The following BCAS1 variants were observed in gnomAD, a reference collection of about 807,000 sequenced individuals.
The protein encoded by BCAS1 is brain enriched myelin associated protein 1.
In BCAS1, 46 loss-of-function variants were observed where a neutral mutation model predicts 65.4. That is an observed-to-expected ratio of 0.70 (90% CI 0.55 to 0.90). The LOEUF (loss-of-function observed/expected upper bound fraction) is 0.90, where lower values mean the gene tolerates loss of function less well. Ranked by LOEUF, BCAS1 falls within the 40% of genes least tolerant of loss-of-function variation. The probability of loss-of-function intolerance (pLI) is 0.00; values close to 1 mark genes in which losing one functional copy is unlikely to be tolerated. For synonymous variants in BCAS1, 298 were observed against 293.5 expected, an observed-to-expected ratio of 1.02 and a Z score of -0.16; for missense variants, 793 against 771.2, an observed-to-expected ratio of 1.03 and a Z score of -0.33.
chr20:54,016,873 C>A (rs569896268), intron 4 of BCAS1, among the ~76,000 whole-genome samples: 1 of 152,214 alleles, frequency 6.6e-6, no homozygotes, highest in South Asian at 2.1e-4. Flanking sequence ...TTGAACCAAG[C>A]CGGGTTGGAC....
At chr20:54,058,624 C>T (rs768347967) in intron 2 of BCAS1, 23 bp downstream of exon 2, 9 of 1,518,948 alleles carry the variant, frequency 5.9e-6, no homozygotes, top group Non-Finnish European at 7.9e-6. Context: ...CTGCTGATGC[C>T]CCTGTAATGG....
At chr20:54,048,875 G>A (rs1378449430) in intron 3 of BCAS1, among the ~76,000 whole-genome samples, 2 of 152,122 alleles carry the variant, frequency 1.3e-5, no homozygotes, top group African/African-American at 4.8e-5. Flanking sequence ...CAGGCCTTGT[G>A]CTGAGCTCTG....
At chr20:54,029,225 G>C in intron 3 of BCAS1, 1 of 985,388 alleles carries the variant, frequency 1.0e-6, no homozygotes, top group Non-Finnish European at 1.2e-6. Flanking sequence ...GGTGTGGAAT[G>C]AGTGATATTC....
At chr20:53,987,263 T>C (rs767243520) in intron 7 of BCAS1, among the ~76,000 whole-genome samples, 4 of 152,254 alleles carry the variant, frequency 2.6e-5, no homozygotes, top group Non-Finnish European at 4.4e-5. Context: ...AATTTTGTGA[T>C]AGTTGATACT....
intron 4 of BCAS1, among the ~76,000 whole-genome samples, chr20:54,005,180 G>GTTGTCTTTTTATTA (rs761106845): frequency 3.7e-5 from 4 of 108,178 alleles, no homozygotes; most frequent in Non-Finnish European, 2.3e-5. Flanking sequence ...GTGAGGCTAA[G>GTTGTCTTTTTATTA]CACAGTGGCT....
intron 8 of BCAS1, among the ~76,000 whole-genome samples, chr20:53,978,243 G>A (rs1011088170): frequency 7.3e-5 from 11 of 151,724 alleles, no homozygotes; most frequent in African/African-American, 2.4e-4. Context: ...GTCAACTATC[G>A]CAAGAACAAA....
chr20:54,048,651 T>G (rs1600994401), intron 3 of BCAS1, among the ~76,000 whole-genome samples: 3 of 152,346 alleles, frequency 2.0e-5, no homozygotes, highest in Admixed American at 2.0e-4. Context: ...TTGATGAGGC[T>G]GTCAGACTGC....
rs530364181 is a variant in BCAS1, at chr20:54,017,346, T to C, written c.723+11046A>G. ...CTTTGGGGATAGTCCTAAGGACACA[T>C]GAGTTGGCACACTCTTAAGTATAGT... On this transcript the variant is annotated intron_variant, in intron 4 of 12. Transcript: ENST00000688948. Among the ~76,000 whole-genome samples, 50 of 152,052 alleles carry C rather than the reference T, an allele frequency of 3.3e-4. 1 individual carries two copies. The South Asian group carries it at 0.01, about 31-fold the overall frequency.
intron 7 of BCAS1, 79 bp from the exon 8 acceptor site, chr20:53,985,578 A>C: frequency 6.9e-6 from 9 of 1,311,954 alleles, no homozygotes; most frequent in Non-Finnish European, 9.8e-6. Flanking sequence ...CTTTTTAATA[A>C]ACATGGGCTG....
intron 11 of BCAS1, among the ~76,000 whole-genome samples, chr20:53,954,148 T>C (rs1314324095): frequency 6.6e-6 from 1 of 152,172 alleles, no homozygotes; most frequent in Non-Finnish European, 1.5e-5. Context: ...CTCAGAGCTT[T>C]GCTGAAATGA....
At chr20:54,017,870 G>A (rs1159728992) in intron 4 of BCAS1, among the ~76,000 whole-genome samples, 1 of 151,838 alleles carries the variant, frequency 6.6e-6, no homozygotes, top group Admixed American at 6.6e-5. Flanking sequence ...TTTACTAAAG[G>A]AAAAATACCC....
chr20:54,022,864 C>T (rs529256572), intron 4 of BCAS1, among the ~76,000 whole-genome samples: 29 of 152,348 alleles, frequency 1.9e-4, no homozygotes, highest in African/African-American at 6.7e-4. Flanking sequence ...GCTCCTAACA[C>T]TTCCACATCA....
chr20:54,021,132 G>A (rs2091547451), intron 4 of BCAS1, among the ~76,000 whole-genome samples: 1 of 152,112 alleles, frequency 6.6e-6, no homozygotes, highest in Non-Finnish European at 1.5e-5. Flanking sequence ...TGAAGAAACT[G>A]AAAATGCTGG....
At chr20:53,979,032 G>A (rs569618255) in intron 8 of BCAS1, among the ~76,000 whole-genome samples, 87 of 152,088 alleles carry the variant, frequency 5.7e-4, no homozygotes, top group African/African-American at 1.7e-3. Context: ...GTGACTCACT[G>A]AAGCCTGGTG....
At chr20:53,975,775 G>C (rs533008125) in intron 8 of BCAS1, among the ~76,000 whole-genome samples, 11 of 152,192 alleles carry the variant, frequency 7.2e-5, no homozygotes, top group Middle Eastern at 3.4e-3. Flanking sequence ...TGAAAAGAGA[G>C]AAATGCAATT....
At chr20:53,985,580 C>T (rs1364741676) in intron 7 of BCAS1, 81 bp from the exon 8 acceptor site, 7 of 1,307,504 alleles carry the variant, frequency 5.4e-6, no homozygotes, top group Non-Finnish European at 7.6e-6. Flanking sequence ...TTTTAATAAA[C>T]ATGGGCTGAG....
intron 11 of BCAS1, among the ~76,000 whole-genome samples, chr20:53,957,071 T>C (rs1438792106): frequency 6.6e-6 from 1 of 152,206 alleles, no homozygotes; most frequent in Non-Finnish European, 1.5e-5. Context: ...AAATGAATTA[T>C]TACAATTTGT....
intron 4 of BCAS1, among the ~76,000 whole-genome samples, chr20:54,014,280 C>T (rs2091384634): frequency 6.6e-6 from 1 of 152,220 alleles, no homozygotes; most frequent in Admixed American, 6.5e-5. Flanking sequence ...TTGTTTTTCA[C>T]CTCTGTGTGA....
intron 4 of BCAS1, among the ~76,000 whole-genome samples, chr20:54,012,266 G>A (rs1439635907): frequency 6.6e-6 from 1 of 152,134 alleles, no homozygotes; most frequent in African/African-American, 2.4e-5. Context: ...AGAGGGAAGT[G>A]GATGCACCTG....
Sources: gnomAD v4.1 joint callset for allele counts (sites outside exome capture counted in the v4.1 genomes callset) on GRCh38, gnomAD v4.1.1 for gene constraint, MANE v1.5 for transcripts, NCBI Gene and HGNC (gene_info 2026-07-23, HGNC 2026-07-21) for gene names.